Variants in OXSR1 observed in about 807,000 individuals in gnomAD.
OXSR1 encodes the protein serine/threonine-protein kinase OSR1.
In OXSR1, 24 loss-of-function variants were observed where a neutral mutation model predicts 79.8. The ratio of observed to expected loss-of-function variants is 0.30; its 90% CI spans 0.22 to 0.42. The LOEUF (loss-of-function observed/expected upper bound fraction) is 0.42, where lower values mean the gene tolerates loss of function less well. Ranked by LOEUF, OXSR1 falls within the 10% of genes least tolerant of loss-of-function variation. OXSR1 has a pLI of 1.00. For synonymous variants in OXSR1, 226 were observed against 209.2 expected, an observed-to-expected ratio of 1.08 and a Z score of -0.69; for missense variants, 430 against 618.4, an observed-to-expected ratio of 0.70 and a Z score of 3.23.
At chr3:38,220,603 C>G (rs1702569441) in intron 5 of OXSR1, among the ~76,000 whole-genome samples, 1 of 152,126 alleles carries the variant, frequency 6.6e-6, no homozygotes. Context: ...TTGAAATACA[C>G]TAGGAAATAC....
chr3:38,195,074 A>G (rs1702050489), intron 3 of OXSR1, among the ~76,000 whole-genome samples: 1 of 152,184 alleles, frequency 6.6e-6, no homozygotes, highest in Non-Finnish European at 1.5e-5. Context: ...GTCATGTTGA[A>G]TGTTGGGATT....
intron 3 of OXSR1, 59 bp from the exon 4 acceptor site, chr3:38,198,663 G>C (rs975560244): frequency 1.5e-6 from 2 of 1,329,844 alleles, no homozygotes; most frequent in East Asian, 4.7e-5. Flanking sequence ...TTCTAAAATG[G>C]ATCTGAATTA....
At chr3:38,195,845 A>G (rs1259722614) in intron 3 of OXSR1, among the ~76,000 whole-genome samples, 1 of 152,202 alleles carries the variant, frequency 6.6e-6, no homozygotes, top group South Asian at 2.1e-4. Context: ...ACAGGGGATT[A>G]TTTTTTGGGA....
Position 38,165,710 on chromosome 3 carries a change from C to A in OXSR1, c.-167C>A. Reference sequence around the variant, plus strand: ...GAGCTCTGAGCCCCCGCTGCTCTGCCGCGCGGTGACCCCGCGCCCCGGCGC... The same window carrying A: ...GAGCTCTGAGCCCCCGCTGCTCTGCAGCGCGGTGACCCCGCGCCCCGGCGC... On this transcript the variant is annotated 5_prime_UTR_variant, in exon 1 of 18. Coordinates refer to ENST00000311806, the MANE Select transcript of OXSR1 (RefSeq NM_005109.3). 1 of 585,394 alleles carries A rather than the reference C, an allele frequency of 1.7e-6. No homozygotes were observed. The highest frequency in any genetic ancestry group is 3.1e-5 in the East Asian group (1 of 32,018). The allele number at this position is 585,394 out of a possible 1,614,324, so 36.3% of individuals were successfully genotyped here.
At chr3:38,170,924 G>C (rs1046420003) in intron 1 of OXSR1, among the ~76,000 whole-genome samples, 2 of 152,154 alleles carry the variant, frequency 1.3e-5, no homozygotes, top group Non-Finnish European at 2.9e-5. Flanking sequence ...CTACAGGCAT[G>C]TGCCACCATG....
intron 4 of OXSR1, among the ~76,000 whole-genome samples, chr3:38,205,049 G>T (rs1158777540): frequency 1.3e-5 from 2 of 152,220 alleles, no homozygotes; most frequent in South Asian, 2.1e-4. Context: ...TCCTCCATGG[G>T]TGCTGGCTGC....
chr3:38,241,784 A>G (rs1575370747), intron 11 of OXSR1, among the ~76,000 whole-genome samples: 1 of 149,922 alleles, frequency 6.7e-6, no homozygotes, highest in Non-Finnish European at 1.5e-5. Flanking sequence ...GGATGAATTC[A>G]TTATTTACAA....
At chr3:38,198,965 C>T in intron 4 of OXSR1, 102 bp downstream of exon 4, 1 of 979,440 alleles carries the variant, frequency 1.0e-6, no homozygotes, top group Non-Finnish European at 1.5e-6. Flanking sequence ...CTCTTTGTAT[C>T]ACTAGTTTTA....
chr3:38,223,588 A>G (rs1357230650), intron 6 of OXSR1, among the ~76,000 whole-genome samples: 2 of 151,176 alleles, frequency 1.3e-5, no homozygotes, highest in Admixed American at 6.6e-5. Flanking sequence ...GATTACAGGC[A>G]TGCGCCACCG....
chr3:38,185,729 G>A (rs1033997293), intron 2 of OXSR1, among the ~76,000 whole-genome samples: 1 of 152,090 alleles, frequency 6.6e-6, no homozygotes, highest in African/African-American at 2.4e-5. Flanking sequence ...GATCACTTGA[G>A]GCTAGGAGTT....
chr3:38,213,225 G>A (rs924373491), intron 4 of OXSR1, among the ~76,000 whole-genome samples: 36 of 152,158 alleles, frequency 2.4e-4, no homozygotes, highest in Non-Finnish European at 8.8e-5. Flanking sequence ...CATCACTGAT[G>A]TTAAATTATT....
At position 38,246,883 on chromosome 3, in the gene OXSR1, C is replaced by T. The variant is rs9848707; in HGVS notation, c.1257+662C>T. The stretch of plus-strand genomic sequence containing the variant: ...TACATGGTTAAAGTAAGACTTTCAA[C>T]GTCCATTTATTAAATATTAGAAGTT... On this transcript the variant is annotated intron_variant, in intron 13 of 17. Transcript: ENST00000311806. 6.4e-3 allele frequency among the ~76,000 whole-genome samples: 980 copies of T among 152,162 alleles called. 10 individuals are homozygous for T. The highest frequency in any genetic ancestry group is 0.023 in the African/African-American group (942 of 41,504).
intron 8 of OXSR1, among the ~76,000 whole-genome samples, chr3:38,225,375 C>A (rs1702670031): frequency 6.6e-6 from 1 of 152,066 alleles, no homozygotes; most frequent in Admixed American, 6.6e-5. Flanking sequence ...GTCTGTTTCA[C>A]ATATATATTC....
intron 2 of OXSR1, among the ~76,000 whole-genome samples, chr3:38,188,931 G>T (rs1201188292): frequency 6.6e-6 from 1 of 152,112 alleles, no homozygotes; most frequent in East Asian, 1.9e-4. Context: ...TAAGTTTCAT[G>T]AGGACTCCCC....
chr3:38,202,323 C>A (rs1226639064), intron 4 of OXSR1, among the ~76,000 whole-genome samples: 1 of 151,964 alleles, frequency 6.6e-6, no homozygotes, highest in Admixed American at 6.6e-5. Flanking sequence ...ACTTAATGAA[C>A]AACAAAGAGA....
chr3:38,221,452 G>A, intron 5 of OXSR1, 126 bp from the exon 6 acceptor site: 1 of 569,320 alleles, frequency 1.8e-6, no homozygotes, highest in Non-Finnish European at 3.2e-6. Context: ...AAGAAGTTCA[G>A]CAAAAAGATA....
intron 3 of OXSR1, among the ~76,000 whole-genome samples, chr3:38,196,912 G>A (rs184684251): frequency 2.3e-4 from 35 of 152,144 alleles, no homozygotes; most frequent in African/African-American, 8.0e-4. Flanking sequence ...GTTTTCCTTT[G>A]CATTCCCTAT....
chr3:38,227,545 C>CCACA (rs58097834), intron 8 of OXSR1, among the ~76,000 whole-genome samples: 4,169 of 138,364 alleles, frequency 0.03, 84 homozygotes, highest in Middle Eastern at 0.077. Context: ...GTATGCACAT[C>CCACA]CACACACACA....
At chr3:38,213,021 GGATT>G (rs1414264967) in intron 4 of OXSR1, among the ~76,000 whole-genome samples, 1 of 152,148 alleles carries the variant, frequency 6.6e-6, no homozygotes, top group East Asian at 1.9e-4. Context: ...AGGGAAACAT[GGATT>G]GATTATCTGG....
Sources: allele counts gnomAD v4.1 joint callset (sites outside exome capture counted in the v4.1 genomes callset), GRCh38; gene constraint gnomAD v4.1.1; transcripts MANE v1.5; gene names NCBI Gene and HGNC (gene_info 2026-07-23, HGNC 2026-07-21).